Variants in MARCHF5 observed in about 807,000 individuals in gnomAD.
MARCHF5 encodes E3 ubiquitin-protein ligase MARCHF5.
Under a neutral mutation model 36.5 loss-of-function variants are expected in MARCHF5, and 5 were observed. The observed-to-expected ratio is 0.14, with a 90% CI of 0.07 to 0.29. The LOEUF is 0.29. Ranked by LOEUF, MARCHF5 falls within the 10% of genes least tolerant of loss-of-function variation. MARCHF5 has a pLI of 1.00. For missense variants in MARCHF5, 179 were observed against 336.3 expected (o/e 0.53, Z 3.66); for synonymous variants, 103 against 109.9 (o/e 0.94, Z 0.39).
chr10:92,300,009 A>G (rs1311851791), intron 1 of MARCHF5, among the ~76,000 whole-genome samples: 1 of 151,988 alleles, frequency 6.6e-6, no homozygotes, highest in Non-Finnish European at 1.5e-5. Context: ...CAAAAAATAA[A>G]AAAGTAACCA....
At chr10:92,291,572 C>G in intron 1 of MARCHF5, 43 bp downstream of exon 1, 1 of 1,505,894 alleles carries the variant, frequency 6.6e-7, no homozygotes, top group South Asian at 1.3e-5. Context: ...CCGACCCTCG[C>G]TCTGGCCCTG....
chr10:92,322,061 A>G (rs1398291558), intron 2 of MARCHF5, among the ~76,000 whole-genome samples: 2 of 151,680 alleles, frequency 1.3e-5, no homozygotes, highest in Non-Finnish European at 2.9e-5. Context: ...CCTGACCAAC[A>G]TGGAAAAACC....
At chr10:92,350,896 C>G (rs554149404) in intron 5 of MARCHF5, among the ~76,000 whole-genome samples, 195 bp from the exon 6 acceptor site, 1 of 152,250 alleles carries the variant, frequency 6.6e-6, no homozygotes, top group African/African-American at 2.4e-5. Context: ...TCCCCTGTTA[C>G]CTGTAGTAAC....
intron 1 of MARCHF5, among the ~76,000 whole-genome samples, chr10:92,305,032 T>C (rs770181022): frequency 3.9e-5 from 6 of 152,220 alleles, no homozygotes; most frequent in Non-Finnish European, 8.8e-5. Flanking sequence ...ATTTTACTTA[T>C]TGTTTAAAAT....
chr10:92,339,340 A>C (rs938099540), intron 2 of MARCHF5, among the ~76,000 whole-genome samples: 2 of 152,116 alleles, frequency 1.3e-5, no homozygotes, highest in African/African-American at 4.8e-5. Flanking sequence ...ATTGCACCCC[A>C]GACTGGGTGA....
rs865797398 is a variant in MARCHF5 at position 92,305,243 on chromosome 10, T to C, written c.36-5892T>C. Among the ~76,000 whole-genome samples the C allele has an allele frequency of 2.0e-5, 3 of 151,966 alleles. No individual in the cohort carries two copies. In the South Asian group the frequency reaches 6.2e-4, roughly 31 times the overall value. ...CTAACAAGTGAAACCCCGTCTCTTC[T>C]GAAAATACAAAAAATTAGCCAGACG... On this transcript the variant is annotated intron_variant, in intron 1 of 5. Transcript: ENST00000358935.
At chr10:92,337,246 T>A (rs996346746) in intron 2 of MARCHF5, among the ~76,000 whole-genome samples, 13 of 152,154 alleles carry the variant, frequency 8.5e-5, no homozygotes, top group African/African-American at 3.1e-4. Context: ...CCGGGCGCAG[T>A]GGCTCACACC....
At chr10:92,309,659 A>G (rs746692652) in intron 1 of MARCHF5, among the ~76,000 whole-genome samples, 1 of 152,164 alleles carries the variant, frequency 6.6e-6, no homozygotes, top group Non-Finnish European at 1.5e-5. Context: ...CCTGTGTGCT[A>G]GTATACTTAC....
At chr10:92,319,569 C>G (rs1219632740) in intron 2 of MARCHF5, among the ~76,000 whole-genome samples, 2 of 152,126 alleles carry the variant, frequency 1.3e-5, no homozygotes, top group African/African-American at 4.8e-5. Context: ...GCTGGGATTA[C>G]AGGCGTGAGC....
chr10:92,341,187 G>A (rs1843573922), intron 3 of MARCHF5, among the ~76,000 whole-genome samples: 4 of 152,120 alleles, frequency 2.6e-5, no homozygotes, highest in Admixed American at 2.6e-4. Context: ...TGGATCACCT[G>A]AGGTCAGGAG....
At chr10:92,320,238 G>A (rs972127498) in intron 2 of MARCHF5, among the ~76,000 whole-genome samples, 11 of 150,486 alleles carry the variant, frequency 7.3e-5, no homozygotes, top group African/African-American at 2.7e-4. Context: ...TTTATTTTTT[G>A]TAGAGACAAG....
chr10:92,345,186 A>AC (rs1204619218), intron 3 of MARCHF5, among the ~76,000 whole-genome samples: 1 of 151,388 alleles, frequency 6.6e-6, no homozygotes, highest in African/African-American at 2.4e-5. Context: ...AAAAAAAAAA[A>AC]CCCTGTTATT....
chr10:92,321,308 G>T (rs993735203), intron 2 of MARCHF5, among the ~76,000 whole-genome samples: 3 of 152,002 alleles, frequency 2.0e-5, no homozygotes, highest in African/African-American at 2.4e-5. Flanking sequence ...TTTGTTGAGG[G>T]CTTTTGTCAT....
chr10:92,344,060 C>G (rs1246593206), intron 3 of MARCHF5, among the ~76,000 whole-genome samples: 1 of 152,124 alleles, frequency 6.6e-6, no homozygotes, highest in Non-Finnish European at 1.5e-5. Flanking sequence ...TTTCTTAAGA[C>G]TTTATTGACC....
At chr10:92,324,475 C>T (rs1440110752) in intron 2 of MARCHF5, among the ~76,000 whole-genome samples, 1 of 152,146 alleles carries the variant, frequency 6.6e-6, no homozygotes, top group Non-Finnish European at 1.5e-5. Flanking sequence ...CATTCTCCTG[C>T]CTCAGCCCCC....
chr10:92,326,797 T>A (rs1416261306), intron 2 of MARCHF5, among the ~76,000 whole-genome samples: 10 of 150,786 alleles, frequency 6.6e-5, no homozygotes, highest in African/African-American at 2.5e-4. Flanking sequence ...TTTTTTTTTT[T>A]AACTCATTTG....
chr10:92,350,718 T>C (rs1843705597), intron 5 of MARCHF5, among the ~76,000 whole-genome samples: 2 of 152,234 alleles, frequency 1.3e-5, no homozygotes, highest in Admixed American at 1.3e-4. Context: ...TTTGGTCATA[T>C]AGCCTCCAGT....
intron 2 of MARCHF5, among the ~76,000 whole-genome samples, chr10:92,328,893 A>G (rs1843404158): frequency 6.6e-6 from 1 of 150,508 alleles, no homozygotes; most frequent in African/African-American, 2.4e-5. Context: ...CACAAGGCAC[A>G]TAATGTGTAG....
At position 92,351,868 on chromosome 10, in the gene MARCHF5, C is replaced by T. The variant is rs1843717600; in HGVS notation, c.*661C>T. On this transcript the variant is annotated 3_prime_UTR_variant, in exon 6 of 6. Transcript: ENST00000358935. The stretch of plus-strand genomic sequence containing the variant: ...TTTTATTTACATAATGTTGACATCT[C>T]ATACTTCATGAAGTAATTTTGACTC... 6.6e-6 allele frequency: 1 copy of T among 151,142 alleles called. No homozygotes were observed. The highest frequency in any genetic ancestry group is 2.4e-5 in the African/African-American group (1 of 41,056). The allele number at this position is 151,142 out of a possible 1,614,324, so 9.4% of individuals were successfully genotyped here.
Sources: gnomAD v4.1 joint callset for allele counts (sites outside exome capture counted in the v4.1 genomes callset) on GRCh38, gnomAD v4.1.1 for gene constraint, MANE v1.5 for transcripts, NCBI Gene and HGNC (gene_info 2026-07-23, HGNC 2026-07-21) for gene names.